DSG4: variants seen among roughly 807,000 people sequenced by gnomAD.
The protein encoded by DSG4 is desmoglein-4.
Under a neutral mutation model 93.1 loss-of-function variants are expected in DSG4, and 87 were observed. The ratio of observed to expected loss-of-function variants is 0.93; its 90% CI spans 0.79 to 1.12. DSG4 has a LOEUF of 1.12. DSG4 is among the 50% of genes most tolerant of loss of function. DSG4 has a pLI of 0.00. For missense variants in DSG4, 1,373 were observed against 1,285.7 expected, an observed-to-expected ratio of 1.07 and a Z score of -1.04; for synonymous variants, 432 against 452.9, an observed-to-expected ratio of 0.95 and a Z score of 0.59.
rs145637974 is a variant in DSG4, at chr18:31,413,380, G to A, written c.2908G>A (p.Ala970Thr). The change falls in exon 16 of 16, where the codon GCT becomes ACT. Residue 970 changes from alanine to threonine, a missense_variant. Ala to Thr is a moderately conservative substitution (Grantham distance 58). Coordinates refer to ENST00000308128, the MANE Select transcript of DSG4 (RefSeq NM_177986.5). Reference protein sequence around the residue: ...NNVIYAERVLASPGVPDMSNS... With the variant: ...NNVIYAERVLTSPGVPDMSNS... ...TGTAATCTATGCTGAGAGAGTACTG[G>A]CTAGTCCTGGTGTGCCTGACATGAG... 1.2e-5 allele frequency: 20 copies of A among 1,614,152 alleles called. No homozygotes were observed. In the African/African-American group the frequency reaches 2.1e-4, roughly 17 times the overall value.
intron 1 of DSG4, among the ~76,000 whole-genome samples, chr18:31,380,695 T>C (rs2072124064): frequency 1.3e-5 from 2 of 152,306 alleles, no homozygotes. Flanking sequence ...ATAAGCGTTA[T>C]TCAGGAAAGA....
At chr18:31,412,342 G>A (rs1443636652) in intron 15 of DSG4, among the ~76,000 whole-genome samples, 1 of 152,190 alleles carries the variant, frequency 6.6e-6, no homozygotes, top group East Asian at 1.9e-4. Context: ...GAGATAGAGA[G>A]TAGAATGATG....
intron 10 of DSG4, 69 bp from the exon 11 acceptor site, chr18:31,403,347 A>G (rs2072389248): frequency 7.8e-7 from 1 of 1,275,074 alleles, no homozygotes; most frequent in African/African-American, 1.5e-5. Context: ...TGGCATCATC[A>G]GGGGATATGA....
rs767664931 is a variant in DSG4, at chr18:31,376,923, C to T, written c.12C>T (p.Leu4=). MDW[L]FFRNICLLII... ...AGAAACCCAAAGGAATGGATTGGCT[C>T]TTCTTCAGAAACATTTGCCTTTTGA... The change falls in exon 1 of 16, where the codon CTC becomes CTT. Residue 4 remains leucine, a synonymous_variant. Transcript: ENST00000308128. The T allele has an allele frequency of 2.5e-6, 4 of 1,613,634 alleles. No individual in the cohort carries two copies. The highest frequency in any genetic ancestry group is 2.5e-6 in the Non-Finnish European group (3 of 1,179,722).
chr18:31,388,645 C>T, intron 4 of DSG4, 123 bp downstream of exon 4: 1 of 1,380,502 alleles, frequency 7.2e-7, no homozygotes, highest in Non-Finnish European at 1.0e-6. Context: ...AAATAGAAGA[C>T]TTGAAGGAAT....
At chr18:31,401,699 A>T (rs2072369582) in intron 10 of DSG4, 2 of 152,174 alleles carry the variant, frequency 1.3e-5, no homozygotes, top group Admixed American at 1.3e-4. Flanking sequence ...GTGCCTAGGA[A>T]ACCAGCTGCT....
intron 1 of DSG4, among the ~76,000 whole-genome samples, chr18:31,377,308 C>A (rs2072087512): frequency 6.6e-6 from 1 of 152,174 alleles, no homozygotes; most frequent in African/African-American, 2.4e-5. Context: ...ACTGCCAGTG[C>A]AAATGGGTTC....
rs115316720 is a variant in DSG4 at position 31,384,445 on chromosome 18, T to C, written c.49-691T>C. Among the ~76,000 whole-genome samples, 1,471 of 152,266 alleles carry C rather than the reference T, an allele frequency of 9.7e-3. 31 individuals carry two copies. Among genetic ancestry groups the C allele is most frequent in the African/African-American group, 0.034 (1,426 of 41,552 alleles). ...TATGCTAGGCTGCTCAATAAAAACCTTAAAATACATTAAAATATGTGTGAA... is the reference window on the plus strand; with the variant it reads ...TATGCTAGGCTGCTCAATAAAAACCCTAAAATACATTAAAATATGTGTGAA... On this transcript the variant is annotated intron_variant, in intron 1 of 15. Transcript: ENST00000308128.
rs2144223657 is a variant in DSG4, at chr18:31,413,031, A to G, written c.2559A>G (p.Glu853=). Residue 853 remains glutamate (E), a synonymous_variant, in exon 16 of 16, where the codon GAA becomes GAG. Coordinates refer to ENST00000308128, the MANE Select transcript of DSG4 (RefSeq NM_177986.5). The stretch of plus-strand genomic sequence containing the variant: ...AGATCTGCTTAAACACAGAAATTGA[A>G]CCATTTCCTTCACACCAGGCTTGTA... ...LAEICLNTEI[E]PFPSHQACIP... The G allele has an allele frequency of 6.2e-7, 1 of 1,614,042 alleles. No homozygotes were observed. Among genetic ancestry groups the G allele is most frequent in the South Asian group, 1.1e-5 (1 of 91,074 alleles).
rs183953407 is a variant in DSG4, at chr18:31,398,801, C to T, written c.1006-471C>T. Among the ~76,000 whole-genome samples the T allele has an allele frequency of 8.0e-4, 121 of 152,088 alleles. 1 individual carries two copies. The highest frequency in any genetic ancestry group is 1.4e-3 in the Non-Finnish European group (98 of 67,988). ...TGTGTACACCATTAAAAAAAAATTA[C>T]GTGTTCAGTGACATCATATATATTA... On this transcript the variant is annotated intron_variant, in intron 8 of 15. Coordinates refer to ENST00000308128, the MANE Select transcript of DSG4 (RefSeq NM_177986.5).
At chr18:31,384,313 C>T (rs747126690) in intron 1 of DSG4, among the ~76,000 whole-genome samples, 3 of 104,522 alleles carry the variant, frequency 2.9e-5, no homozygotes, top group Non-Finnish European at 3.8e-5. Context: ...AATTGTAAAA[C>T]TAATCTAATT....
At chr18:31,391,438 C>T (rs1387002002) in intron 7 of DSG4, among the ~76,000 whole-genome samples, 4 of 152,092 alleles carry the variant, frequency 2.6e-5, no homozygotes, top group Non-Finnish European at 4.4e-5. Flanking sequence ...GTGAAAGCAA[C>T]GAACTATCTA....
chr18:31,397,175 T>G (rs186241625), intron 8 of DSG4, among the ~76,000 whole-genome samples: 151 of 152,312 alleles, frequency 9.9e-4, no homozygotes, highest in African/African-American at 3.5e-3. Flanking sequence ...GTAGCTTCTA[T>G]ACTACAATTT....
chr18:31,408,238 T>A (rs1340657143), intron 12 of DSG4, among the ~76,000 whole-genome samples: 6 of 152,236 alleles, frequency 3.9e-5, no homozygotes, highest in Non-Finnish European at 7.3e-5. Flanking sequence ...AGATTACACA[T>A]ACAGTAATTG....
At position 31,400,882 on chromosome 18, in the gene DSG4, TATATC is replaced by T. The variant is rs2072357368; in HGVS notation, c.1283_1287del (p.Ile428ArgfsTer3). On this transcript the variant is annotated frameshift_variant and splice_region_variant, in exon 10 of 16. Transcript: ENST00000308128. LOFTEE classifies it high-confidence loss of function. Reference sequence around the variant, plus strand: ...ACGAACTTTTTTATTTAAAAACAGATATATCATAGGGCATGATGCAGGCAGCTGGT... The same window carrying T: ...ACGAACTTTTTTATTTAAAAACAGATATAGGGCATGATGCAGGCAGCTGGT... The T allele has an allele frequency of 1.9e-6, 3 of 1,611,996 alleles. No homozygotes were observed. Among genetic ancestry groups the T allele is most frequent in the African/African-American group, 1.3e-5 (1 of 74,962 alleles).
At chr18:31,379,166 A>G (rs1416224653) in intron 1 of DSG4, among the ~76,000 whole-genome samples, 1 of 152,192 alleles carries the variant, frequency 6.6e-6, no homozygotes, top group Non-Finnish European at 1.5e-5. Flanking sequence ...AGGGGTGGTG[A>G]GGGACATTCA....
chr18:31,401,110 G>C (rs993796329), intron 10 of DSG4, 90 bp downstream of exon 10: 5 of 1,178,750 alleles, frequency 4.2e-6, no homozygotes, highest in Admixed American at 2.5e-5. Flanking sequence ...GAGTGACTCA[G>C]ACATTTTTAA....
chr18:31,413,832 G>T lies in DSG4; in HGVS notation c.*237G>T. ...ATGCGTCAAAAAATGTGCAGAAAAT[G>T]TATTGCATCCCTTGATACTGTCTAA... On this transcript the variant is annotated 3_prime_UTR_variant, in exon 16 of 16. Coordinates refer to ENST00000308128, the MANE Select transcript of DSG4 (RefSeq NM_177986.5). The T allele has an allele frequency of 2.0e-6, 1 of 499,788 alleles. No individual in the cohort carries two copies. The highest frequency in any genetic ancestry group is 4.0e-5 in the East Asian group (1 of 24,944). 31.0% of individuals were successfully genotyped at this position (499,788 alleles called of 1,614,324 possible). A position where few individuals can be genotyped will look rare whatever the true frequency, so the allele number is the denominator to read the frequency against.
At chr18:31,404,715 C>T (rs1033369089) in intron 11 of DSG4, among the ~76,000 whole-genome samples, 3 of 152,104 alleles carry the variant, frequency 2.0e-5, no homozygotes, top group African/African-American at 7.2e-5. Flanking sequence ...TCAACAAAAC[C>T]ACTTTAATAT....
Sources: gnomAD v4.1 joint callset for allele counts (sites outside exome capture counted in the v4.1 genomes callset) on GRCh38, gnomAD v4.1.1 for gene constraint, MANE v1.5 for transcripts, NCBI Gene and HGNC (gene_info 2026-07-23, HGNC 2026-07-21) for gene names.